TOGARAM2: variants seen among roughly 807,000 people sequenced by gnomAD.
The protein encoded by TOGARAM2 is TOG array regulator of axonemal microtubules protein 2.
In TOGARAM2, 85 loss-of-function variants were observed where a neutral mutation model predicts 93.3. That is an observed-to-expected ratio of 0.91 (90% CI 0.76 to 1.09). The LOEUF is 1.09. TOGARAM2 is among the 50% of genes least tolerant of loss of function. The probability of loss-of-function intolerance (pLI) is 0.00; values close to 1 mark genes in which losing one functional copy is unlikely to be tolerated. For synonymous variants in TOGARAM2, 593 were observed against 552.8 expected (o/e 1.07, Z -1.02); for missense variants, 1,277 against 1,334.5 (o/e 0.96, Z 0.67).
At chr2:28,959,804 A>G (rs1456986296) in intron 1 of TOGARAM2, among the ~76,000 whole-genome samples, 1 of 152,214 alleles carries the variant, frequency 6.6e-6, no homozygotes, top group Admixed American at 6.5e-5. Flanking sequence ...AAAGTAAAAC[A>G]CTGTTGATAT....
chr2:29,013,977 G>A (rs909386820), intron 7 of TOGARAM2, among the ~76,000 whole-genome samples: 3 of 152,142 alleles, frequency 2.0e-5, no homozygotes, highest in South Asian at 2.1e-4. Flanking sequence ...TTCCTGCTGC[G>A]TCATGCTTTC....
chr2:29,029,882 C>T (rs1665659947), intron 14 of TOGARAM2, among the ~76,000 whole-genome samples: 1 of 152,108 alleles, frequency 6.6e-6, no homozygotes, highest in South Asian at 2.1e-4. Context: ...GCACCAAAAT[C>T]TCACGAATCA....
chr2:29,051,383 G>C, intron 19 of TOGARAM2: 1 of 165,748 alleles, frequency 6.0e-6, no homozygotes, highest in Non-Finnish European at 1.3e-5. Flanking sequence ...ACAGTTGATG[G>C]GGGCAGGATT....
At chr2:29,015,400 C>T (rs1233104167) in intron 8 of TOGARAM2, among the ~76,000 whole-genome samples, 1 of 152,222 alleles carries the variant, frequency 6.6e-6, no homozygotes, top group African/African-American at 2.4e-5. Flanking sequence ...ACCACCTTCT[C>T]CTGCTGTTCT....
At position 29,024,347 on chromosome 2, in the gene TOGARAM2, T is replaced by C. The variant is rs1246523423; in HGVS notation, c.1826T>C (p.Leu609Pro). 2 of 1,610,636 alleles carry C rather than the reference T, an allele frequency of 1.2e-6. No individual in the cohort carries two copies. The highest frequency in any genetic ancestry group is 1.7e-6 in the Non-Finnish European group (2 of 1,178,594). Residue 609 changes from leucine (L) to proline (P), a missense_variant, in exon 13 of 20, where the codon CTG becomes CCG. Leu to Pro is a moderately conservative substitution (Grantham distance 98). Coordinates refer to ENST00000379558, the MANE Select transcript of TOGARAM2 (RefSeq NM_199280.4). ...GAGAATGTGACCCTTGCCCGCTCCC[T>C]GGTGGTCCTCACCTCGGCGGGTGTC... is the stretch of plus-strand genomic sequence containing the variant. ...MVENVTLARS[L>P]VVLTSAGVYH...
intron 1 of TOGARAM2, among the ~76,000 whole-genome samples, chr2:28,967,080 G>T (rs1031304558): frequency 6.6e-6 from 1 of 152,144 alleles, no homozygotes. Flanking sequence ...ACATTTTTAG[G>T]CTCCCAAGGT....
intron 8 of TOGARAM2, 23 bp from the exon 9 acceptor site, chr2:29,017,131 A>T: frequency 6.2e-7 from 1 of 1,608,342 alleles, no homozygotes; most frequent in South Asian, 1.1e-5. Context: ...AGGTTAATAG[A>T]GTTTGCCTTG....
At chr2:29,046,914 T>C (rs1352974764) in intron 19 of TOGARAM2, 1 of 152,882 alleles carries the variant, frequency 6.5e-6, no homozygotes, top group African/African-American at 2.4e-5. Flanking sequence ...ACCTGGGGGA[T>C]GCCTGCTTGG....
chr2:29,015,542 C>A (rs1049756753), intron 8 of TOGARAM2, among the ~76,000 whole-genome samples: 2 of 152,184 alleles, frequency 1.3e-5, no homozygotes, highest in African/African-American at 4.8e-5. Flanking sequence ...GAAAGCGGAA[C>A]AAAACCAAGA....
At position 29,017,279 on chromosome 2, in the gene TOGARAM2, C is replaced by G; in HGVS notation, c.1170C>G (p.Gly390=). The G allele has an allele frequency of 6.2e-7, 1 of 1,611,352 alleles. No homozygotes were observed. The highest frequency in any genetic ancestry group is 8.5e-7 in the Non-Finnish European group (1 of 1,178,820). The change falls in exon 9 of 20, where the codon GGC becomes GGG. Residue 390 remains glycine, a synonymous_variant. Transcript: ENST00000379558. ...AGGAGCTCACTTCCCAGTGCCTGGG[C>G]TCCCAGAGAGCCTTCATGAAGGAAG... ...TGQELTSQCL[G]SQRAFMKEGL...
chr2:29,005,929 AGTGTGTGTGTGGGGTATGT>A (rs1663750410), intron 6 of TOGARAM2, among the ~76,000 whole-genome samples: 1 of 115,286 alleles, frequency 8.7e-6, no homozygotes, highest in Non-Finnish European at 1.6e-5. Context: ...ATGTGTGTGG[AGTGTGTGTGTGGGGTATGT>A]GTGCATATGT....
In TOGARAM2 at chr2:29,003,413, C is replaced by G. The variant is rs373648802; in HGVS notation, c.640-79C>G. Reference sequence around the variant, plus strand: ...CTGAAAAGAGACAGCAGGTCCCACACTGTGTGAGGTGCCTGGAGGTGAGCA... The same window carrying G: ...CTGAAAAGAGACAGCAGGTCCCACAGTGTGTGAGGTGCCTGGAGGTGAGCA... On this transcript the variant is annotated intron_variant, in intron 5 of 19. Transcript: ENST00000379558. The G allele has an allele frequency of 9.2e-5, 115 of 1,250,786 alleles. 1 individual carries two copies. The African/African-American group carries it at 1.5e-3, about 16-fold the overall frequency. 77.5% of individuals were successfully genotyped at this position (1,250,786 alleles called of 1,614,324 possible).
chr2:28,991,178 G>C (rs1321142816), intron 1 of TOGARAM2, among the ~76,000 whole-genome samples: 1 of 151,986 alleles, frequency 6.6e-6, no homozygotes, highest in Non-Finnish European at 1.5e-5. Flanking sequence ...ATTTTTTTCA[G>C]ATGAAGAAAC....
At chr2:29,035,409 G>T in intron 16 of TOGARAM2, 55 bp from the exon 17 acceptor site, 2 of 1,283,416 alleles carry the variant, frequency 1.6e-6, no homozygotes, top group Non-Finnish European at 2.0e-6. Context: ...CCAGAAGTGG[G>T]TTCATTCCCC....
chr2:28,963,022 C>T (rs1210336174), intron 1 of TOGARAM2, among the ~76,000 whole-genome samples: 1 of 151,326 alleles, frequency 6.6e-6, no homozygotes, highest in Non-Finnish European at 1.5e-5. Flanking sequence ...GAGTTGGGGT[C>T]TCCCTATGTT....
intron 7 of TOGARAM2, among the ~76,000 whole-genome samples, chr2:29,013,283 T>A (rs770068085): frequency 2.6e-5 from 4 of 152,226 alleles, no homozygotes; most frequent in African/African-American, 4.8e-5. Flanking sequence ...ATTTTATCCA[T>A]CCCAAGAGCA....
intron 8 of TOGARAM2, among the ~76,000 whole-genome samples, chr2:29,014,848 C>T (rs1455968696): frequency 5.9e-5 from 9 of 151,760 alleles, no homozygotes; most frequent in South Asian, 2.1e-4. Context: ...GGAAGGAGGA[C>T]GGGGAGGTTG....
intron 1 of TOGARAM2, among the ~76,000 whole-genome samples, chr2:28,973,992 T>A (rs1316525349): frequency 6.6e-6 from 1 of 152,232 alleles, no homozygotes; most frequent in African/African-American, 2.4e-5. Flanking sequence ...ATTCTCTTGG[T>A]TGTCCATGCT....
chr2:29,004,921 CGTGT>C (rs1380088213), intron 6 of TOGARAM2, among the ~76,000 whole-genome samples: 1 of 99,466 alleles, frequency 1.0e-5, no homozygotes, highest in South Asian at 2.9e-4. Context: ...TGCATGTGTA[CGTGT>C]GTGAGTGCAT....
Sources: allele counts gnomAD v4.1 joint callset (sites outside exome capture counted in the v4.1 genomes callset), GRCh38; gene constraint gnomAD v4.1.1; transcripts MANE v1.5; gene names NCBI Gene and HGNC (gene_info 2026-07-23, HGNC 2026-07-21).